IGF1R: variants seen among roughly 807,000 people sequenced by gnomAD.
IGF1R encodes insulin like growth factor 1 receptor.
IGF1R carries 44 observed loss-of-function variants against 144.6 expected under a neutral mutation model. The ratio of observed to expected loss-of-function variants is 0.30; its 90% CI spans 0.24 to 0.39. IGF1R has a LOEUF of 0.39. IGF1R is among the 10% of genes least tolerant of loss of function. The probability of loss-of-function intolerance (pLI) is 1.00; values close to 1 mark genes in which losing one functional copy is unlikely to be tolerated. For missense variants in IGF1R, 1,355 were observed against 1,833.7 expected (o/e 0.74, Z 4.77); for synonymous variants, 795 against 722.8 (o/e 1.10, Z -1.60).
chr15:98,777,904 C>T (rs1308187237), intron 2 of IGF1R, among the ~76,000 whole-genome samples: 1 of 152,046 alleles, frequency 6.6e-6, no homozygotes, highest in Non-Finnish European at 1.5e-5. Flanking sequence ...ATGGAGGGAC[C>T]AATAGTAGGG....
intron 2 of IGF1R, among the ~76,000 whole-genome samples, chr15:98,760,949 A>T (rs2055280746): frequency 6.6e-6 from 1 of 152,272 alleles, no homozygotes; most frequent in African/African-American, 2.4e-5. Context: ...AGCATTTCAA[A>T]GTGACATATA....
chr15:98,657,746 A>C (rs1358215164), intron 1 of IGF1R, among the ~76,000 whole-genome samples: 1 of 152,226 alleles, frequency 6.6e-6, no homozygotes, highest in East Asian at 1.9e-4. Flanking sequence ...TTTCTTTCTC[A>C]CATGCACCTC....
At position 98,707,907 on chromosome 15, in the gene IGF1R, C is replaced by T; in HGVS notation, c.440C>T (p.Ala147Val). ...TRGAIRIEKN[A>V]DLCYLSTVDW... ...GGGGCCATCAGGATTGAGAAAAATGCTGACCTCTGTTACCTCTCCACTGTG... is the reference window on the plus strand; with the variant it reads ...GGGGCCATCAGGATTGAGAAAAATGTTGACCTCTGTTACCTCTCCACTGTG... Residue 147 changes from alanine (A) to valine (V), a missense_variant, in exon 2 of 21, where the codon GCT (alanine) becomes GTT (valine). Around this residue, in one of 7 missense-constraint regions of IGF1R, gnomAD observed 880 missense variants for 1,202.7 expected, o/e 0.73. Coordinates refer to ENST00000650285, the MANE Select transcript of IGF1R (RefSeq NM_000875.5). The surrounding 1 kb of genome is among the most constrained non-coding windows in gnomAD (Gnocchi z 6.7). 1.2e-6 allele frequency: 2 copies of T among 1,614,170 alleles called. No individual in the cohort carries two copies. The highest frequency in any genetic ancestry group is 1.6e-4 in the Middle Eastern group (1 of 6,062).
intron 19 of IGF1R, among the ~76,000 whole-genome samples, chr15:98,946,416 A>G (rs917198215): frequency 3.3e-5 from 5 of 152,158 alleles, no homozygotes; most frequent in African/African-American, 1.2e-4. Context: ...GCTGTGCTTG[A>G]AGTTCTTGTT....
chr15:98,772,507 A>G (rs1028039458), intron 2 of IGF1R, among the ~76,000 whole-genome samples: 2 of 118,704 alleles, frequency 1.7e-5, no homozygotes, highest in East Asian at 4.8e-4. Flanking sequence ...TATTATTATT[A>G]TTATTATTTT....
intron 2 of IGF1R, among the ~76,000 whole-genome samples, chr15:98,860,975 T>G (rs2012116535): frequency 6.6e-6 from 1 of 152,214 alleles, no homozygotes; most frequent in Non-Finnish European, 1.5e-5. Flanking sequence ...AAAGGTGAGG[T>G]ATAAATGTGT....
At chr15:98,732,239 G>T (rs548880353) in intron 2 of IGF1R, among the ~76,000 whole-genome samples, 1 of 152,186 alleles carries the variant, frequency 6.6e-6, no homozygotes, top group Non-Finnish European at 1.5e-5. Context: ...GGGAAGACTT[G>T]CCTAGGAGCA....
At chr15:98,888,076 C>A (rs983889430) in intron 2 of IGF1R, among the ~76,000 whole-genome samples, 3 of 152,170 alleles carry the variant, frequency 2.0e-5, no homozygotes, top group African/African-American at 7.2e-5. Context: ...TTTATTCCTC[C>A]CTTGCTCATC....
chr15:98,685,627 G>T (rs1406798357), intron 1 of IGF1R, among the ~76,000 whole-genome samples: 1 of 152,152 alleles, frequency 6.6e-6, no homozygotes, highest in African/African-American at 2.4e-5. Context: ...GTCTGTCCAG[G>T]GTCCCTCCAA....
At chr15:98,913,629 C>G (rs1013095078) in intron 8 of IGF1R, among the ~76,000 whole-genome samples, 1 of 152,178 alleles carries the variant, frequency 6.6e-6, no homozygotes, top group Non-Finnish European at 1.5e-5. Flanking sequence ...GGAACTGAAA[C>G]CATGCTGATC....
chr15:98,893,195 G>A (rs2014014962), intron 3 of IGF1R, among the ~76,000 whole-genome samples: 1 of 152,174 alleles, frequency 6.6e-6, no homozygotes, highest in African/African-American at 2.4e-5. Flanking sequence ...GTACATTGAG[G>A]AAGTGTTTAT....
intron 2 of IGF1R, among the ~76,000 whole-genome samples, chr15:98,838,281 A>G (rs2011121427): frequency 6.6e-6 from 1 of 152,186 alleles, no homozygotes; most frequent in South Asian, 2.1e-4. Context: ...TGGTGGCCAA[A>G]CTATGTTTAG....
rs1004382552 is a variant in IGF1R at position 98,806,418 on chromosome 15, T to A, written c.641-84907T>A. Among the ~76,000 whole-genome samples the A allele has an allele frequency of 2.6e-5, 4 of 152,182 alleles. 1 individual carries two copies. Among genetic ancestry groups the A allele is most frequent in the African/African-American group, 9.7e-5 (4 of 41,444 alleles). ...GCCAGCCCCCCAGCCTCCCTTGTCA[T>A]GTCCCACCTCTGCTGGCATCTGTGG... On this transcript the variant is annotated intron_variant, in intron 2 of 20. Transcript: ENST00000650285.
chr15:98,661,955 C>CTTTTTTTT (rs1567062333), intron 1 of IGF1R, among the ~76,000 whole-genome samples: 18 of 108,222 alleles, frequency 1.7e-4, no homozygotes, highest in African/African-American at 7.6e-4. Context: ...TGAATAGGGC[C>CTTTTTTTT]CTTTTTTTTT....
chr15:98,824,012 C>T (rs2056847240), intron 2 of IGF1R, among the ~76,000 whole-genome samples: 1 of 152,134 alleles, frequency 6.6e-6, no homozygotes, highest in African/African-American at 2.4e-5. Context: ...GTGGTTCAAA[C>T]AAAACTGAAA....
chr15:98,855,450 T>G (rs994291378), intron 2 of IGF1R, among the ~76,000 whole-genome samples: 1 of 152,382 alleles, frequency 6.6e-6, no homozygotes, highest in East Asian at 1.9e-4. Flanking sequence ...GCAGTGCTTT[T>G]TATCATCCAT....
intron 2 of IGF1R, among the ~76,000 whole-genome samples, chr15:98,885,278 C>A (rs2013583961): frequency 6.6e-6 from 1 of 152,230 alleles, no homozygotes; most frequent in South Asian, 2.1e-4. Context: ...TTCTCATTTG[C>A]TTAGCTGAGC....
At chr15:98,783,906 A>G (rs915699822) in intron 2 of IGF1R, among the ~76,000 whole-genome samples, 6 of 147,292 alleles carry the variant, frequency 4.1e-5, no homozygotes, top group South Asian at 2.1e-4. Flanking sequence ...TTTATGTGCT[A>G]TATGCACATA....
intron 2 of IGF1R, among the ~76,000 whole-genome samples, chr15:98,741,628 C>G (rs994651633): frequency 2.0e-5 from 3 of 152,190 alleles, no homozygotes; most frequent in African/African-American, 7.2e-5. Flanking sequence ...GGGTGAAGAA[C>G]AGAGCTAGTC....
Sources: allele counts gnomAD v4.1 joint callset (sites outside exome capture counted in the v4.1 genomes callset), GRCh38; gene constraint gnomAD v4.1.1; regional missense constraint gnomAD v4.1.1; non-coding constraint Gnocchi (gnomAD v3.1); transcripts MANE v1.5; gene names NCBI Gene and HGNC (gene_info 2026-07-23, HGNC 2026-07-21).